The following DLG2 variants were observed in gnomAD, a reference collection of about 807,000 sequenced individuals.
DLG2 encodes the protein disks large homolog 2.
A neutral mutation model predicts 132.5 loss-of-function variants in DLG2; 45 were observed. The observed-to-expected ratio is 0.34, with a 90% CI of 0.27 to 0.44. The LOEUF (loss-of-function observed/expected upper bound fraction) is 0.44, where lower values mean the gene tolerates loss of function less well. Among genes scored for constraint, DLG2 ranks in the 20% least tolerant of loss-of-function variants. The pLI is 1.00. For missense variants in DLG2, 1,045 were observed against 1,196.9 expected, an observed-to-expected ratio of 0.87 and a Z score of 1.87; for synonymous variants, 424 against 419.6, an observed-to-expected ratio of 1.01 and a Z score of -0.13.
intron 17 of DLG2, among the ~76,000 whole-genome samples, chr11:83,817,034 C>T (rs2049183603): frequency 1.3e-5 from 2 of 152,094 alleles, no homozygotes; most frequent in Non-Finnish European, 1.5e-5. Flanking sequence ...TCAGAATCTA[C>T]TGACTTAAAA....
intron 7 of DLG2, among the ~76,000 whole-genome samples, chr11:84,381,971 A>G (rs949732353): frequency 6.6e-6 from 1 of 152,196 alleles, no homozygotes; most frequent in East Asian, 1.9e-4. Flanking sequence ...ATTTACAGTC[A>G]TATCAAAATT....
At chr11:84,801,378 G>A (rs981009596) in intron 6 of DLG2, among the ~76,000 whole-genome samples, 1 of 152,074 alleles carries the variant, frequency 6.6e-6, no homozygotes, top group African/African-American at 2.4e-5. Flanking sequence ...GACCATCCTG[G>A]CTAACACTGT....
At chr11:85,398,414 G>T (rs2087642377) in intron 3 of DLG2, among the ~76,000 whole-genome samples, 1 of 151,954 alleles carries the variant, frequency 6.6e-6, no homozygotes, top group South Asian at 2.1e-4. Flanking sequence ...CAGAAGGCAA[G>T]AAATAACTAA....
At chr11:83,953,616 G>A (rs2086055423) in intron 14 of DLG2, among the ~76,000 whole-genome samples, 1 of 152,188 alleles carries the variant, frequency 6.6e-6, no homozygotes, top group Non-Finnish European at 1.5e-5. Flanking sequence ...GGATTGCAAA[G>A]TGTCATGGAC....
At chr11:84,882,872 G>C (rs1330927630) in intron 6 of DLG2, among the ~76,000 whole-genome samples, 1 of 152,008 alleles carries the variant, frequency 6.6e-6, no homozygotes, top group East Asian at 1.9e-4. Context: ...TTTTAGAGAG[G>C]ATGACTAAAT....
chr11:84,497,257 T>C (rs2099187196), intron 7 of DLG2, among the ~76,000 whole-genome samples: 1 of 152,166 alleles, frequency 6.6e-6, no homozygotes, highest in Admixed American at 6.5e-5. Context: ...AGATATTCAA[T>C]TTTATTATAT....
chr11:84,087,541 T>A (rs914360005), intron 10 of DLG2, among the ~76,000 whole-genome samples: 1 of 152,192 alleles, frequency 6.6e-6, no homozygotes, highest in African/African-American at 2.4e-5. Flanking sequence ...AACCTGTGAA[T>A]ATGTTACTTT....
chr11:83,620,185 A>G (rs960507475), intron 19 of DLG2, among the ~76,000 whole-genome samples: 1 of 152,214 alleles, frequency 6.6e-6, no homozygotes, highest in Non-Finnish European at 1.5e-5. Context: ...TGAGGTAAGC[A>G]ATCTGGTTTG....
chr11:84,308,993 C>A (rs1257329624), intron 7 of DLG2, among the ~76,000 whole-genome samples: 1 of 152,210 alleles, frequency 6.6e-6, no homozygotes, highest in African/African-American at 2.4e-5. Flanking sequence ...CACAGTGCAG[C>A]GGCGGGCTGA....
chr11:83,777,873 A>G (rs2094650042), intron 18 of DLG2, among the ~76,000 whole-genome samples: 1 of 152,200 alleles, frequency 6.6e-6, no homozygotes, highest in Non-Finnish European at 1.5e-5. Flanking sequence ...GACACAATAA[A>G]CTAAACTTCA....
chr11:83,473,776 T>A (rs1353861303), intron 22 of DLG2, among the ~76,000 whole-genome samples: 1 of 152,054 alleles, frequency 6.6e-6, no homozygotes, highest in Non-Finnish European at 1.5e-5. Flanking sequence ...CTGAAGCACA[T>A]TCATAGTCTA....
In DLG2 at chr11:83,627,763, G is replaced by T. The variant is rs546327424; in HGVS notation, c.1940+5448C>A. ...ATGGCTAGGTCAAATGGTATTTCTA[G>T]TTCTAGATCCCTGAGGAATCGCCAC... On this transcript the variant is annotated intron_variant, in intron 19 of 27. Transcript: ENST00000376104. Among the ~76,000 whole-genome samples the T allele has an allele frequency of 7.6e-3, 1,160 of 152,244 alleles. 16 individuals carry two copies. Among genetic ancestry groups the T allele is most frequent in the African/African-American group, 0.027 (1,117 of 41,536 alleles).
chr11:83,714,981 G>C (rs1358898061), intron 18 of DLG2, among the ~76,000 whole-genome samples: 1 of 152,114 alleles, frequency 6.6e-6, no homozygotes, highest in Non-Finnish European at 1.5e-5. Context: ...TTGCAGCACT[G>C]TTCACATTAG....
At chr11:84,477,214 G>C (rs1170593915) in intron 7 of DLG2, among the ~76,000 whole-genome samples, 1 of 152,006 alleles carries the variant, frequency 6.6e-6, no homozygotes, top group Admixed American at 6.6e-5. Context: ...GCAACTTTGG[G>C]CTGGAGGGAG....
chr11:83,743,413 T>A (rs1407261576), intron 18 of DLG2, among the ~76,000 whole-genome samples: 2 of 147,978 alleles, frequency 1.4e-5, no homozygotes, highest in Non-Finnish European at 3.0e-5. Flanking sequence ...ACAATGTACA[T>A]AACAGTGGGC....
rs542321939 is a variant in DLG2, at chr11:84,017,625, T to C, written c.920-36983A>G. On this transcript the variant is annotated intron_variant, in intron 11 of 27. Coordinates refer to ENST00000376104, the MANE Select transcript of DLG2 (RefSeq NM_001142699.3). ...TCAATGAAATAGCTACCATGACACC[T>C]GGGGGCCTGGTGTTTCACACAAAAA... Among the ~76,000 whole-genome samples the C allele has an allele frequency of 1.3e-3, 196 of 152,184 alleles. 6 individuals are homozygous for C. The highest frequency in any genetic ancestry group is 4.4e-3 in the African/African-American group (185 of 41,590).
At chr11:84,761,418 T>C (rs2067616020) in intron 6 of DLG2, among the ~76,000 whole-genome samples, 1 of 152,124 alleles carries the variant, frequency 6.6e-6, no homozygotes, top group South Asian at 2.1e-4. Flanking sequence ...TGAAGTACTG[T>C]TCCTGGGTGT....
At chr11:85,080,599 G>C (rs2067110678) in intron 6 of DLG2, among the ~76,000 whole-genome samples, 1 of 152,076 alleles carries the variant, frequency 6.6e-6, no homozygotes, top group South Asian at 2.1e-4. Flanking sequence ...CGGTTAACTT[G>C]AATTTCATGC....
intron 9 of DLG2, among the ~76,000 whole-genome samples, chr11:84,102,434 C>A (rs893290107): frequency 6.6e-6 from 1 of 152,102 alleles, no homozygotes; most frequent in Admixed American, 6.6e-5. Flanking sequence ...CAATAGAAAT[C>A]CACAATGTGT....
Sources: gnomAD v4.1 joint callset for allele counts (sites outside exome capture counted in the v4.1 genomes callset) on GRCh38, gnomAD v4.1.1 for gene constraint, MANE v1.5 for transcripts, NCBI Gene and HGNC (gene_info 2026-07-23, HGNC 2026-07-21) for gene names.